Variants in NALCN observed in about 807,000 individuals in gnomAD.
NALCN encodes the protein sodium leak channel NALCN.
NALCN carries 111 observed loss-of-function variants against 225.3 expected under a neutral mutation model. That is an observed-to-expected ratio of 0.49 (90% CI 0.42 to 0.58). The LOEUF (loss-of-function observed/expected upper bound fraction) is 0.58. Among genes scored for constraint, NALCN ranks in the 20% least tolerant of loss-of-function variants. NALCN has a pLI of 0.00. For synonymous variants in NALCN, 764 were observed against 769.0 expected, an observed-to-expected ratio of 0.99 and a Z score of 0.11; for missense variants, 1,378 against 2,202.4, an observed-to-expected ratio of 0.63 and a Z score of 7.49.
intron 12 of NALCN, among the ~76,000 whole-genome samples, chr13:101,235,201 CTTA>C (rs1357057301): frequency 1.3e-5 from 2 of 151,946 alleles, no homozygotes; most frequent in African/African-American, 4.8e-5. Flanking sequence ...CGCGTTATGA[CTTA>C]TTAAGCTATT....
At chr13:101,333,100 C>T (rs867285153) in intron 7 of NALCN, among the ~76,000 whole-genome samples, 4 of 152,126 alleles carry the variant, frequency 2.6e-5, no homozygotes, top group Non-Finnish European at 4.4e-5. Flanking sequence ...TTTATGAGTA[C>T]ATCTCATTCT....
chr13:101,149,886 C>A (rs1471618200), intron 15 of NALCN, among the ~76,000 whole-genome samples: 1 of 152,212 alleles, frequency 6.6e-6, no homozygotes, highest in African/African-American at 2.4e-5. Context: ...GTAAATCCAG[C>A]AGCCCTGTGG....
chr13:101,102,544 G>A (rs946871729), intron 26 of NALCN, among the ~76,000 whole-genome samples: 2 of 152,128 alleles, frequency 1.3e-5, no homozygotes, highest in African/African-American at 4.8e-5. Context: ...TGAACAATGA[G>A]CCTCTTTCTT....
rs1422817425 is a variant in NALCN at position 101,388,502 on chromosome 13, AT to A, written c.291+6680del. On this transcript the variant is annotated intron_variant, in intron 3 of 43. Coordinates refer to ENST00000251127, the MANE Select transcript of NALCN (RefSeq NM_052867.4). ...AATGTGAAAATACTGGAAATGGCTA[AT>A]TTACAGCATTTTGAAAACGATTTGG... Among the ~76,000 whole-genome samples the A allele has an allele frequency of 5.9e-5, 9 of 152,336 alleles. No individual in the cohort carries two copies. The East Asian group carries it at 1.7e-3, about 29-fold the overall frequency.
At chr13:101,240,367 G>T (rs993488047) in intron 11 of NALCN, among the ~76,000 whole-genome samples, 8 of 149,902 alleles carry the variant, frequency 5.3e-5, no homozygotes, top group African/African-American at 1.5e-4. Context: ...ATCTATCTAT[G>T]TATTTTTTCT....
intron 11 of NALCN, 114 bp from the exon 12 acceptor site, chr13:101,238,036 C>A: frequency 1.3e-6 from 1 of 790,948 alleles, no homozygotes; most frequent in East Asian, 2.9e-5. Flanking sequence ...ACTAAGGTGC[C>A]CCATAAGGTC....
At chr13:101,332,019 C>T (rs907061426) in intron 7 of NALCN, among the ~76,000 whole-genome samples, 11 of 152,212 alleles carry the variant, frequency 7.2e-5, no homozygotes, top group African/African-American at 2.2e-4. Flanking sequence ...TGGACTCCCA[C>T]CTGCCAAGCA....
At chr13:101,090,115 C>T in intron 28 of NALCN, 149 bp from the exon 29 acceptor site, 2 of 1,134,890 alleles carry the variant, frequency 1.8e-6, no homozygotes, top group Non-Finnish European at 2.5e-6. Flanking sequence ...TGTGCGTGCA[C>T]ACACACATAC....
intron 10 of NALCN, among the ~76,000 whole-genome samples, chr13:101,262,853 A>G (rs1207915324): frequency 6.6e-6 from 1 of 152,156 alleles, no homozygotes; most frequent in Non-Finnish European, 1.5e-5. Flanking sequence ...TTTCTCATTG[A>G]TAAAGTGGAG....
intron 27 of NALCN, among the ~76,000 whole-genome samples, chr13:101,098,323 G>A (rs112050537): frequency 1.8e-4 from 28 of 152,224 alleles, no homozygotes; most frequent in African/African-American, 6.7e-4. Flanking sequence ...CGTTCTGATT[G>A]GACAGAAAAT....
intron 40 of NALCN, among the ~76,000 whole-genome samples, chr13:101,064,883 T>C (rs1353959990): frequency 6.6e-6 from 1 of 152,178 alleles, no homozygotes; most frequent in Admixed American, 6.5e-5. Flanking sequence ...GAGACTCCAT[T>C]TGACCCTCTG....
chr13:101,345,352 T>C lies in NALCN; in HGVS notation c.713A>G (p.Gln238Arg), dbSNP rs1247524546. The change falls in exon 7 of 44, where the codon CAG becomes CGG. Residue 238 changes from glutamine (Q) to arginine (R), a missense_variant. Physicochemically the swap from Gln to Arg is conservative, Grantham distance 43 (BLOSUM62 1). Coordinates refer to ENST00000251127, the MANE Select transcript of NALCN (RefSeq NM_052867.4). The stretch of plus-strand genomic sequence containing the variant: ...CATGCATTTAAATCCAGGTGGGCAC[T>C]GGTAGCCTTCTTCTAGCTCTGGTGA... Reference protein sequence around the residue: ...HCSPELEEGYQCPPGFKCMDL... With the variant: ...HCSPELEEGYRCPPGFKCMDL... The C allele has an allele frequency of 3.7e-6, 6 of 1,613,878 alleles. No homozygotes were observed. In the East Asian group the frequency reaches 1.1e-4, roughly 30 times the overall value.
At chr13:101,390,835 C>G (rs1336180434) in intron 3 of NALCN, among the ~76,000 whole-genome samples, 1 of 139,664 alleles carries the variant, frequency 7.2e-6, no homozygotes, top group Non-Finnish European at 1.5e-5. Flanking sequence ...TAAAGTAAAC[C>G]AAATAAAGCA....
chr13:101,103,317 C>A lies in NALCN; in HGVS notation c.2912G>T (p.Trp971Leu). Residue 971 changes from tryptophan (W) to leucine (L), a missense_variant, in exon 26 of 44, where the codon TGG becomes TTG. Coordinates refer to ENST00000251127, the MANE Select transcript of NALCN (RefSeq NM_052867.4). ...IYLVSLIFLCWMPQNVPAESG... is the reference protein window; with the variant it reads ...IYLVSLIFLCLMPQNVPAESG... ...TTCAGCAGGTACATTTTGAGGCATCCAACAAAGAAATATCAAGCTCACCTA... is the reference window on the plus strand; with the variant it reads ...TTCAGCAGGTACATTTTGAGGCATCAAACAAAGAAATATCAAGCTCACCTA... 3 of 1,611,862 alleles carry A rather than the reference C, an allele frequency of 1.9e-6. No individual in the cohort carries two copies. Among genetic ancestry groups the A allele is most frequent in the Non-Finnish European group, 2.5e-6 (3 of 1,179,370 alleles).
chr13:101,341,901 G>A (rs1364187702), intron 7 of NALCN, among the ~76,000 whole-genome samples: 1 of 152,150 alleles, frequency 6.6e-6, no homozygotes, highest in African/African-American at 2.4e-5. Context: ...CCTTATGAAG[G>A]AGGTTCAAGA....
At chr13:101,228,989 C>A (rs1194164446) in intron 13 of NALCN, among the ~76,000 whole-genome samples, 2 of 152,072 alleles carry the variant, frequency 1.3e-5, no homozygotes, top group East Asian at 3.9e-4. Context: ...TATTGAAAAT[C>A]AAAAGCTTCC....
chr13:101,136,121 G>A (rs1266538482), intron 17 of NALCN, among the ~76,000 whole-genome samples: 1 of 152,158 alleles, frequency 6.6e-6, no homozygotes, highest in African/African-American at 2.4e-5. Context: ...ATAGAAAGAT[G>A]TGTTTGTTTA....
Position 101,055,218 on chromosome 13 carries a change from G to T in NALCN, c.*77C>A. ...GGAATTCAGTTATAGATCAATTACA[G>T]ATTGCTCACTGGACAATCAAGGACA... On this transcript the variant is annotated 3_prime_UTR_variant, in exon 44 of 44. Transcript: ENST00000251127. 1 of 1,130,888 alleles carries T rather than the reference G, an allele frequency of 8.8e-7. No homozygotes were observed. Among genetic ancestry groups the T allele is most frequent in the Non-Finnish European group, 1.3e-6 (1 of 778,048 alleles). The allele number at this position is 1,130,888 out of a possible 1,614,324, so 70.1% of individuals were successfully genotyped here.
Position 101,346,083 on chromosome 13 carries a change from CTCTCTA to C in NALCN, c.645-669_645-664del, listed in dbSNP as rs1381382666. Among the ~76,000 whole-genome samples the C allele has an allele frequency of 2.2e-3, 184 of 84,296 alleles. 1 individual carries two copies. The highest frequency in any genetic ancestry group is 8.1e-3 in the African/African-American group (169 of 20,778). The allele number at this position is 84,296 out of a possible 152,430, so 55.3% of individuals were successfully genotyped here. On this transcript the variant is annotated intron_variant, in intron 6 of 43. Coordinates refer to ENST00000251127, the MANE Select transcript of NALCN (RefSeq NM_052867.4). ...TCTCTCTCTCTCTCTCTCTCTCTCT[CTCTCTA>C]TATATATATATATATATATATATGA...
Sources: allele counts gnomAD v4.1 joint callset (sites outside exome capture counted in the v4.1 genomes callset), GRCh38; gene constraint gnomAD v4.1.1; transcripts MANE v1.5; gene names NCBI Gene and HGNC (gene_info 2026-07-23, HGNC 2026-07-21).